The following CTNNA2 variants were observed in gnomAD, a reference collection of about 807,000 sequenced individuals.
The protein encoded by CTNNA2 is catenin alpha-2.
In CTNNA2, 42 loss-of-function variants were observed where a neutral mutation model predicts 101.0. The ratio of observed to expected loss-of-function variants is 0.42; its 90% CI spans 0.32 to 0.54. The LOEUF is 0.54. Ranked by LOEUF, CTNNA2 falls within the 20% of genes least tolerant of loss-of-function variation. CTNNA2 has a pLI of 0.14. For missense variants in CTNNA2, 871 were observed against 1,223.1 expected (o/e 0.71, Z 4.29); for synonymous variants, 450 against 456.4 (o/e 0.99, Z 0.18).
chr2:80,614,513 C>G (rs542327003), intron 17 of CTNNA2, among the ~76,000 whole-genome samples: 1 of 151,336 alleles, frequency 6.6e-6, no homozygotes, highest in African/African-American at 2.4e-5. Context: ...TAGAACCAAT[C>G]CCCCATGGAT....
At chr2:79,273,080 G>A (rs140186710) in intron 2 of CTNNA2, among the ~76,000 whole-genome samples, 8 of 151,614 alleles carry the variant, frequency 5.3e-5, no homozygotes, top group African/African-American at 1.9e-4. Flanking sequence ...TTTTTTTATG[G>A]TTTCATGTTG....
intron 2 of CTNNA2, among the ~76,000 whole-genome samples, chr2:79,306,346 A>G (rs1676247191): frequency 6.6e-6 from 1 of 152,210 alleles, no homozygotes; most frequent in African/African-American, 2.4e-5. Context: ...AAAATTACTA[A>G]ATAGATGTTG....
chr2:80,306,432 CTTTCTTTCTTTCTTTCTT>C (rs1677003835), intron 7 of CTNNA2, among the ~76,000 whole-genome samples: 1 of 141,712 alleles, frequency 7.1e-6, no homozygotes, highest in East Asian at 2.1e-4. Flanking sequence ...TTCTTTCTTT[CTTTCTTTCTTTCTTTCTT>C]TCTCTCTCTC....
chr2:80,127,322 T>G (rs1702193454), intron 7 of CTNNA2, among the ~76,000 whole-genome samples: 1 of 152,208 alleles, frequency 6.6e-6, no homozygotes, highest in African/African-American at 2.4e-5. Context: ...CACCTTAGCT[T>G]GCTGTCCCTG....
At chr2:80,574,896 T>C (rs918477730) in intron 13 of CTNNA2, among the ~76,000 whole-genome samples, 7 of 152,164 alleles carry the variant, frequency 4.6e-5, no homozygotes, top group Non-Finnish European at 8.8e-5. Flanking sequence ...AAATAATTAA[T>C]ATATATATTC....
intron 8 of CTNNA2, among the ~76,000 whole-genome samples, chr2:80,415,165 A>G (rs73941112): frequency 0.016 from 2,466 of 152,310 alleles, 67 homozygotes; most frequent in African/African-American, 0.056. Flanking sequence ...TCAGTAACAG[A>G]ACACTAGGCA....
chr2:79,215,490 G>C (rs915680145), intron 2 of CTNNA2, among the ~76,000 whole-genome samples: 1 of 152,136 alleles, frequency 6.6e-6, no homozygotes, highest in African/African-American at 2.4e-5. Context: ...GGGGTTTGAG[G>C]GCTGGAATTT....
At chr2:80,341,414 A>T (rs746927055) in intron 7 of CTNNA2, among the ~76,000 whole-genome samples, 3 of 150,114 alleles carry the variant, frequency 2.0e-5, no homozygotes, top group Non-Finnish European at 4.5e-5. Flanking sequence ...TGACAGGAAC[A>T]AAGGATGAAG....
rs566733741 is a variant in CTNNA2 at position 80,245,465 on chromosome 2, A to G, written c.1057-147746A>G. ...GGTGAATATTTAGATCACATTCACA[A>G]CGAGTCTTTATATAACCAGTCTTCT... On this transcript the variant is annotated intron_variant, in intron 7 of 18. Coordinates refer to ENST00000402739, the MANE Select transcript of CTNNA2 (RefSeq NM_001282597.3). 2.6e-5 allele frequency among the ~76,000 whole-genome samples: 4 copies of G among 152,344 alleles called. No individual in the cohort carries two copies. The East Asian group carries it at 7.7e-4, about 29-fold the overall frequency.
intron 3 of CTNNA2, among the ~76,000 whole-genome samples, chr2:79,813,680 C>T (rs1177337542): frequency 1.3e-5 from 2 of 152,214 alleles, no homozygotes; most frequent in African/African-American, 4.8e-5. Context: ...TAATTTAAAT[C>T]ACAGGAGCAA....
intron 9 of CTNNA2, among the ~76,000 whole-genome samples, chr2:80,449,766 G>T (rs1378328772): frequency 6.6e-6 from 1 of 152,188 alleles, no homozygotes; most frequent in Non-Finnish European, 1.5e-5. Context: ...GGGTCACTAG[G>T]TTCTGGGGGC....
rs540965419 is a variant in CTNNA2 at position 79,568,858 on chromosome 2, C to CAAAA, written c.-6+55677_-6+55680dup. Among the ~76,000 whole-genome samples the CAAAA allele has an allele frequency of 2.5e-3, 172 of 68,954 alleles. 19 individuals carry two copies. Among genetic ancestry groups the CAAAA allele is most frequent in the African/African-American group, 0.011 (157 of 14,808 alleles). The allele number at this position is 68,954 out of a possible 152,430, so 45.2% of individuals were successfully genotyped here. ...GCAACATGGCAACATTCTGTTTCTA[C>CAAAA]AAAAAAAAAAAAAAAAAAAAAAAAA... On this transcript the variant is annotated intron_variant, in intron 1 of 18. Transcript: ENST00000402739.
chr2:79,981,029 G>A (rs551814040), intron 7 of CTNNA2, among the ~76,000 whole-genome samples: 6 of 151,714 alleles, frequency 4.0e-5, no homozygotes, highest in Non-Finnish European at 7.4e-5. Context: ...TGGTTGATGC[G>A]GCTCATTTAT....
chr2:79,332,909 G>A (rs1434213), intron 3 of CTNNA2, among the ~76,000 whole-genome samples: 51,557 of 151,698 alleles, frequency 0.34, 9,277 homozygotes, highest in African/African-American at 0.46. Context: ...TGGTGTGCAG[G>A]GTATTTCTCT....
chr2:79,354,059 T>A (rs1460200574), intron 3 of CTNNA2, among the ~76,000 whole-genome samples: 1 of 152,084 alleles, frequency 6.6e-6, no homozygotes, highest in African/African-American at 2.4e-5. Context: ...ACTGTTGGAG[T>A]TCTCTCTGTA....
At chr2:79,930,528 C>T (rs912469200) in intron 7 of CTNNA2, among the ~76,000 whole-genome samples, 1 of 152,114 alleles carries the variant, frequency 6.6e-6, no homozygotes, top group African/African-American at 2.4e-5. Flanking sequence ...ATAAGGATTG[C>T]ATTATGATGC....
At chr2:79,530,024 G>C (rs1434383605) in intron 1 of CTNNA2, among the ~76,000 whole-genome samples, 5 of 152,022 alleles carry the variant, frequency 3.3e-5, no homozygotes, top group Non-Finnish European at 7.4e-5. Flanking sequence ...GTGGAAACTG[G>C]TCAGATCAGC....
intron 1 of CTNNA2, among the ~76,000 whole-genome samples, chr2:79,579,563 T>C (rs1676019363): frequency 6.6e-6 from 1 of 152,170 alleles, no homozygotes; most frequent in Non-Finnish European, 1.5e-5. Flanking sequence ...TGCAGGACAG[T>C]ATGATCTAAC....
chr2:79,803,748 C>A (rs1377352229), intron 3 of CTNNA2, among the ~76,000 whole-genome samples: 2 of 152,242 alleles, frequency 1.3e-5, no homozygotes, highest in Admixed American at 1.3e-4. Flanking sequence ...CACTTTAAAC[C>A]ATGATGTAGT....
Sources: gnomAD v4.1 joint callset for allele counts (sites outside exome capture counted in the v4.1 genomes callset) on GRCh38, gnomAD v4.1.1 for gene constraint, MANE v1.5 for transcripts, NCBI Gene and HGNC (gene_info 2026-07-23, HGNC 2026-07-21) for gene names.